Variants in ARMC3 observed in about 807,000 individuals in gnomAD.
The protein encoded by ARMC3 is armadillo repeat-containing protein 3.
ARMC3 carries 74 observed loss-of-function variants against 90.3 expected under a neutral mutation model. The ratio of observed to expected loss-of-function variants is 0.82; its 90% CI spans 0.68 to 0.99. The LOEUF is 0.99. ARMC3 is among the 50% of genes least tolerant of loss of function. The probability of loss-of-function intolerance (pLI) is 0.00; values close to 1 mark genes in which losing one functional copy is unlikely to be tolerated. For synonymous variants in ARMC3, 334 were observed against 361.8 expected, an observed-to-expected ratio of 0.92 and a Z score of 0.87; for missense variants, 958 against 1,042.8, an observed-to-expected ratio of 0.92 and a Z score of 1.12.
chr10:23,002,273 T>A (rs1392436569), intron 12 of ARMC3, among the ~76,000 whole-genome samples: 1 of 152,226 alleles, frequency 6.6e-6, no homozygotes, highest in Non-Finnish European at 1.5e-5. Flanking sequence ...AAAAATCACC[T>A]TCAGTATTTT....
Position 22,959,070 on chromosome 10 carries a change from A to C in ARMC3, c.293A>C (p.Asn98Thr), listed in dbSNP as rs868317248. 2.5e-6 allele frequency: 4 copies of C among 1,601,754 alleles called. No individual in the cohort carries two copies. The Middle Eastern group carries it at 6.6e-4, about 265-fold the overall frequency. ...CAATACTCTGTTTCTTCCTTTGTAG[A>C]TGATGTTAAAAAATTGTTAAGGGAG... Reference protein sequence around the residue: ...TMIFGILASNNDVKKLLRELD... With the variant: ...TMIFGILASNTDVKKLLRELD... Residue 98 changes from asparagine to threonine, a missense_variant and splice_region_variant, in exon 5 of 19, where the codon AAT (asparagine) becomes ACT (threonine). By Grantham distance (65) the Asn-to-Thr change is moderately conservative. Transcript: ENST00000298032.
chr10:23,008,892 C>CTGT lies in ARMC3; in HGVS notation c.2008_2010dup (p.Val670dup), dbSNP rs1349852411. The CTGT allele has an allele frequency of 6.2e-7, 1 of 1,613,720 alleles. No individual in the cohort carries two copies. Among genetic ancestry groups the CTGT allele is most frequent in the Admixed American group, 1.7e-5 (1 of 59,996 alleles). On this transcript the variant is annotated inframe_insertion, in exon 16 of 19. Transcript: ENST00000298032. ...TCAGAGCCAGCTTCTGGACGAAATA[C>CTGT]TGTTCTCAGCAAAAGCGCCACCAAA...
intron 1 of ARMC3, among the ~76,000 whole-genome samples, chr10:22,930,383 C>T (rs950203435): frequency 2.6e-5 from 4 of 152,256 alleles, no homozygotes; most frequent in African/African-American, 9.6e-5. Flanking sequence ...ACAATTTTCT[C>T]ATTTTACAAG....
chr10:23,002,623 CAG>C, intron 12 of ARMC3, among the ~76,000 whole-genome samples: 1 of 137,742 alleles, frequency 7.3e-6, no homozygotes, highest in South Asian at 2.2e-4. Flanking sequence ...TTTTTTTTGG[CAG>C]AGTCTCGCTC....
intron 3 of ARMC3, 123 bp downstream of exon 3, chr10:22,946,384 C>T (rs541181054): frequency 1.6e-6 from 1 of 633,558 alleles, no homozygotes; most frequent in African/African-American, 1.8e-5. Context: ...TTCAGACAAC[C>T]AGGATATTAT....
intron 1 of ARMC3, among the ~76,000 whole-genome samples, chr10:22,931,638 G>C (rs1287905861): frequency 2.0e-5 from 3 of 152,164 alleles, no homozygotes; most frequent in Admixed American, 1.3e-4. Flanking sequence ...AAACATTCTT[G>C]CAGGTCTCAA....
rs991544338 is a variant in ARMC3 at position 22,992,463 on chromosome 10, A to AT, written c.1176-5678dup. On this transcript the variant is annotated intron_variant, in intron 10 of 18. Coordinates refer to ENST00000298032, the MANE Select transcript of ARMC3 (RefSeq NM_173081.5). ...CTTATTTTGCTATAGATGCAAACAC[A>AT]TTTTTTTCCCTGTGGCTAGGCTTTA... 3.1e-4 allele frequency among the ~76,000 whole-genome samples: 47 copies of AT among 152,146 alleles called. 1 individual carries two copies. Among genetic ancestry groups the AT allele is most frequent in the Admixed American group, 9.8e-4 (15 of 15,288 alleles).
intron 16 of ARMC3, among the ~76,000 whole-genome samples, chr10:23,026,577 A>G (rs1413432703): frequency 1.3e-5 from 2 of 152,148 alleles, no homozygotes; most frequent in African/African-American, 4.8e-5. Context: ...AAACTGTTGA[A>G]AAAAGGCATA....
intron 16 of ARMC3, among the ~76,000 whole-genome samples, chr10:23,016,475 T>C (rs1363353770): frequency 6.6e-6 from 1 of 152,218 alleles, no homozygotes; most frequent in Non-Finnish European, 1.5e-5. Context: ...TAAATCCCTG[T>C]TTCCTGAGGT....
intron 12 of ARMC3, among the ~76,000 whole-genome samples, chr10:23,002,746 G>C (rs1588902697): frequency 6.6e-6 from 1 of 151,198 alleles, no homozygotes; most frequent in Non-Finnish European, 1.5e-5. Context: ...TTACTTTTTT[G>C]TATTTTTAAT....
At chr10:22,961,657 A>G (rs1588847493) in intron 6 of ARMC3, 2 of 451,736 alleles carry the variant, frequency 4.4e-6, no homozygotes, top group East Asian at 8.3e-5. Flanking sequence ...AAAGTCATAG[A>G]TCATGTATAT....
Position 22,987,303 on chromosome 10 carries a change from A to G in ARMC3, c.1175+5603A>G, listed in dbSNP as rs1246182623. ...TTATTCTCTGAGGAGCAGACCCTAC[A>G]CATTAAAAGAATGTTTTAAACTATT... On this transcript the variant is annotated intron_variant, in intron 10 of 18. Coordinates refer to ENST00000298032, the MANE Select transcript of ARMC3 (RefSeq NM_173081.5). Among the ~76,000 whole-genome samples the G allele has an allele frequency of 3.9e-5, 6 of 152,204 alleles. No individual in the cohort carries two copies. In the East Asian group the frequency reaches 1.2e-3, roughly 29 times the overall value.
chr10:22,998,324 C>A lies in ARMC3; in HGVS notation c.1352C>A (p.Ala451Glu), dbSNP rs1837100261. 1 of 1,613,602 alleles carries A rather than the reference C, an allele frequency of 6.2e-7. No individual in the cohort carries two copies. Among genetic ancestry groups the A allele is most frequent in the South Asian group, 1.1e-5 (1 of 90,974 alleles). Residue 451 changes from alanine to glutamate, a missense_variant, in exon 11 of 19, where the codon GCA (alanine) becomes GAA (glutamate). Coordinates refer to ENST00000298032, the MANE Select transcript of ARMC3 (RefSeq NM_173081.5). ...GCCATCATCAGCCCACTGCGTTCTGCAAACACAGTCGTGCAGAGCAAAGCT... is the reference window on the plus strand; with the variant it reads ...GCCATCATCAGCCCACTGCGTTCTGAAAACACAGTCGTGCAGAGCAAAGCT... ...MHAIISPLRS[A>E]NTVVQSKAAL...
At chr10:23,034,703 C>T (rs144864729) in intron 18 of ARMC3, among the ~76,000 whole-genome samples, 1 of 152,266 alleles carries the variant, frequency 6.6e-6, no homozygotes, top group East Asian at 1.9e-4. Context: ...TTAGTGATCT[C>T]CCTATTGTCT....
chr10:22,988,425 G>A lies in ARMC3; in HGVS notation c.1175+6725G>A, dbSNP rs184447881. Among the ~76,000 whole-genome samples the A allele has an allele frequency of 3.2e-3, 485 of 152,292 alleles. 3 individuals carry two copies. Among genetic ancestry groups the A allele is most frequent in the Middle Eastern group, 6.8e-3 (2 of 294 alleles). Reference sequence around the variant, plus strand: ...TCTTAATGATTTCCTGGAATGTTAAGTTTCTCCAGCAGAAATAGAAAGCAC... The same window carrying A: ...TCTTAATGATTTCCTGGAATGTTAAATTTCTCCAGCAGAAATAGAAAGCAC... On this transcript the variant is annotated intron_variant, in intron 10 of 18. Coordinates refer to ENST00000298032, the MANE Select transcript of ARMC3 (RefSeq NM_173081.5).
intron 13 of ARMC3, among the ~76,000 whole-genome samples, chr10:23,005,211 CAAAAA>C (rs35706584): frequency 1.8e-3 from 112 of 60,960 alleles, no homozygotes; most frequent in African/African-American, 5.7e-3. Context: ...AGACTCGTCT[CAAAAA>C]AAAAAAAAAA....
chr10:22,943,482 T>C (rs12242074), intron 2 of ARMC3, among the ~76,000 whole-genome samples: 8,725 of 152,232 alleles, frequency 0.057, 817 homozygotes, highest in African/African-American at 0.2. Context: ...TTTACATTAA[T>C]ATGTAAAAAT....
At chr10:22,957,208 G>C (rs151255489) in intron 4 of ARMC3, among the ~76,000 whole-genome samples, 40 of 151,940 alleles carry the variant, frequency 2.6e-4, no homozygotes, top group Admixed American at 1.2e-3. Context: ...ATTTTCCCTG[G>C]ACCCCGTGTG....
chr10:23,021,977 C>T lies in ARMC3; in HGVS notation c.2046-8619C>T, dbSNP rs151151839. 6.2e-4 allele frequency among the ~76,000 whole-genome samples: 94 copies of T among 152,126 alleles called. 1 individual carries two copies. Among genetic ancestry groups the T allele is most frequent in the African/African-American group, 2.0e-3 (83 of 41,510 alleles). On this transcript the variant is annotated intron_variant, in intron 16 of 18. Coordinates refer to ENST00000298032, the MANE Select transcript of ARMC3 (RefSeq NM_173081.5). ...CAAAAGTTTTTAATTTTGATGAAGT[C>T]AAATTTGTCAAAATTTTCTTTTATA...
Sources: allele counts gnomAD v4.1 joint callset (sites outside exome capture counted in the v4.1 genomes callset), GRCh38; gene constraint gnomAD v4.1.1; transcripts MANE v1.5; gene names NCBI Gene and HGNC (gene_info 2026-07-23, HGNC 2026-07-21).